The following UBL3 variants were observed in gnomAD, a reference collection of about 807,000 sequenced individuals.
UBL3 encodes ubiquitin like 3.
A neutral mutation model predicts 18.4 loss-of-function variants in UBL3; 6 were observed. The ratio of observed to expected loss-of-function variants is 0.33; its 90% confidence interval spans 0.18 to 0.64. The LOEUF (loss-of-function observed/expected upper bound fraction) is 0.64. Ranked by LOEUF, UBL3 falls within the 30% of genes least tolerant of loss-of-function variation. The pLI, the probability that UBL3 is intolerant of heterozygous loss-of-function variation, is 0.76. For missense variants in UBL3, 109 were observed against 142.9 expected (o/e 0.76, Z 1.21); for synonymous variants, 49 against 46.6 (o/e 1.05, Z -0.21).
At chr13:29,842,484 G>A (rs979300949) in intron 1 of UBL3, among the ~76,000 whole-genome samples, 6 of 151,926 alleles carry the variant, frequency 3.9e-5, no homozygotes, top group African/African-American at 9.7e-5. Flanking sequence ...ACTGACACTT[G>A]GCAGGATCTG....
At chr13:29,820,169 C>CTT (rs36050662) in intron 1 of UBL3, among the ~76,000 whole-genome samples, 3,893 of 104,672 alleles carry the variant, frequency 0.037, 118 homozygotes, top group Middle Eastern at 0.062. Context: ...CTCAGAGTTC[C>CTT]TTTTTTTTTT....
rs745486363 is a variant in UBL3 at position 29,772,096 on chromosome 13, C to T, written c.223+16G>A. The T allele has an allele frequency of 4.4e-5, 71 of 1,601,030 alleles. No individual in the cohort carries two copies. Among genetic ancestry groups the T allele is most frequent in the Non-Finnish European group, 5.8e-5 (68 of 1,169,970 alleles). ...ATGAGACAGACATTAAATCCCATTACAAAGGTGGCTGTTACCTCCTAATGT... is the reference window on the plus strand; with the variant it reads ...ATGAGACAGACATTAAATCCCATTATAAAGGTGGCTGTTACCTCCTAATGT... On this transcript the variant is annotated intron_variant, in intron 3 of 4. Coordinates refer to ENST00000380680, the MANE Select transcript of UBL3 (RefSeq NM_007106.4).
intron 1 of UBL3, among the ~76,000 whole-genome samples, chr13:29,841,874 T>C (rs773903711): frequency 1.6e-4 from 25 of 152,310 alleles, no homozygotes; most frequent in Middle Eastern, 6.8e-3. Context: ...ATCTGAAAGA[T>C]AGAAGACCAA....
chr13:29,838,201 C>T (rs1879009839), intron 1 of UBL3, among the ~76,000 whole-genome samples: 1 of 151,990 alleles, frequency 6.6e-6, no homozygotes, highest in Admixed American at 6.6e-5. Flanking sequence ...GATAAAATAA[C>T]ATCTTGAAGG....
intron 1 of UBL3, among the ~76,000 whole-genome samples, chr13:29,836,538 A>T (rs1244922255): frequency 6.6e-6 from 1 of 152,042 alleles, no homozygotes; most frequent in African/African-American, 2.4e-5. Context: ...ACCAAGGGTC[A>T]GGACTTGAGG....
At chr13:29,777,873 TCTC>T (rs1367164253) in intron 1 of UBL3, among the ~76,000 whole-genome samples, 4 of 152,112 alleles carry the variant, frequency 2.6e-5, no homozygotes, top group African/African-American at 4.8e-5. Flanking sequence ...CTCAATCCAT[TCTC>T]CTGCCTCAGC....
chr13:29,846,728 T>C lies in UBL3; in HGVS notation c.27+2784A>G, dbSNP rs574176758. ...TCCCATCTCCCCAACAGGATTTTCC[T>C]ATACAACTGACAAGCACCATTAACA... On this transcript the variant is annotated intron_variant, in intron 1 of 4. Transcript: ENST00000380680. 8.8e-4 allele frequency among the ~76,000 whole-genome samples: 134 copies of C among 152,316 alleles called. 1 individual carries two copies. Among genetic ancestry groups the C allele is most frequent in the African/African-American group, 3.2e-3 (131 of 41,562 alleles).
intron 1 of UBL3, among the ~76,000 whole-genome samples, chr13:29,788,872 CGCGCGCGCGCGCACGCGCACGTGTGT>C (rs1161819215): frequency 0.027 from 3,233 of 120,954 alleles, 98 homozygotes; most frequent in African/African-American, 0.087. Context: ...TGTGTGTGTG[CGCGCGCGCGCGCACGCGCACGTGTGT>C]GCGTGTGTGT....
intron 1 of UBL3, among the ~76,000 whole-genome samples, chr13:29,842,544 C>T (rs1879132970): frequency 6.6e-6 from 1 of 152,188 alleles, no homozygotes; most frequent in Admixed American, 6.5e-5. Flanking sequence ...TGTTTCACCA[C>T]AGATGCATTC....
intron 1 of UBL3, among the ~76,000 whole-genome samples, chr13:29,802,640 C>A (rs1469294668): frequency 1.3e-5 from 2 of 152,110 alleles, no homozygotes; most frequent in South Asian, 2.1e-4. Context: ...GAAAAACACA[C>A]TAAAAGAATT....
At chr13:29,840,998 G>C (rs1269485081) in intron 1 of UBL3, among the ~76,000 whole-genome samples, 1 of 152,034 alleles carries the variant, frequency 6.6e-6, no homozygotes, top group Non-Finnish European at 1.5e-5. Context: ...AGAATAGCAG[G>C]ATACAAAAGC....
intron 1 of UBL3, among the ~76,000 whole-genome samples, chr13:29,797,859 T>C (rs1877655025): frequency 6.6e-6 from 1 of 152,214 alleles, no homozygotes; most frequent in Admixed American, 6.5e-5. Context: ...TGTAAATCCA[T>C]GAGGATTACT....
Position 29,764,724 on chromosome 13 carries a change from C to A in UBL3, c.*2531G>T, listed in dbSNP as rs1876619456. ...TTAGGTAAAAGAGATGAGTGAGACA[C>A]CAGCGTTAGGCAGGGACATAGGCTC... On this transcript the variant is annotated 3_prime_UTR_variant, in exon 5 of 5. Transcript: ENST00000380680. 2 of 152,184 alleles carry A rather than the reference C, an allele frequency of 1.3e-5. No homozygotes were observed. Among genetic ancestry groups the A allele is most frequent in the Admixed American group, 1.3e-4 (2 of 15,284 alleles). 9.4% of individuals were successfully genotyped at this position (152,184 alleles called of 1,614,324 possible). A position where few individuals can be genotyped will look rare whatever the true frequency, so the allele number is the denominator to read the frequency against.
chr13:29,789,489 G>C (rs1300536686), intron 1 of UBL3, among the ~76,000 whole-genome samples: 1 of 152,178 alleles, frequency 6.6e-6, no homozygotes, highest in Non-Finnish European at 1.5e-5. Context: ...GTGTGTTCAA[G>C]ATTGTTCTAC....
At chr13:29,775,827 G>A (rs562210558) in intron 2 of UBL3, among the ~76,000 whole-genome samples, 1 of 152,126 alleles carries the variant, frequency 6.6e-6, no homozygotes, top group South Asian at 2.1e-4. Context: ...TGTTGGCCAG[G>A]TTGGTCTTGA....
chr13:29,828,783 G>GT lies in UBL3; in HGVS notation c.27+20728dup, dbSNP rs942760679. Among the ~76,000 whole-genome samples the GT allele has an allele frequency of 2.0e-5, 3 of 152,276 alleles. No homozygotes were observed. In the East Asian group the frequency reaches 5.8e-4, roughly 29 times the overall value. On this transcript the variant is annotated intron_variant, in intron 1 of 4. Coordinates refer to ENST00000380680, the MANE Select transcript of UBL3 (RefSeq NM_007106.4). ...TTAGAATTTTCGGCTTTTCTGCTCTGTTTTTTCCCCATTTTTGTGGTTTTA... is the reference window on the plus strand; with the variant it reads ...TTAGAATTTTCGGCTTTTCTGCTCTGTTTTTTTCCCCATTTTTGTGGTTTTA...
At chr13:29,842,006 C>T (rs1462332918) in intron 1 of UBL3, among the ~76,000 whole-genome samples, 1 of 152,166 alleles carries the variant, frequency 6.6e-6, no homozygotes, top group East Asian at 1.9e-4. Context: ...TATCCTGTCT[C>T]CTAAACAAAG....
At chr13:29,839,486 C>CA (rs910527026) in intron 1 of UBL3, among the ~76,000 whole-genome samples, 11 of 151,916 alleles carry the variant, frequency 7.2e-5, no homozygotes, top group Admixed American at 2.0e-4. Flanking sequence ...AAAAATATTC[C>CA]AAAAAAACCC....
At chr13:29,842,333 T>C (rs1022708332) in intron 1 of UBL3, among the ~76,000 whole-genome samples, 4 of 152,002 alleles carry the variant, frequency 2.6e-5, no homozygotes, top group Admixed American at 2.6e-4. Flanking sequence ...AATTTTTGTA[T>C]TTTTAGTAGA....
Sources: allele counts gnomAD v4.1 joint callset (sites outside exome capture counted in the v4.1 genomes callset), GRCh38; gene constraint gnomAD v4.1.1; transcripts MANE v1.5; gene names NCBI Gene and HGNC (gene_info 2026-07-23, HGNC 2026-07-21).